The following KMT2C variants were observed in gnomAD, a reference collection of about 807,000 sequenced individuals.
KMT2C encodes histone-lysine N-methyltransferase 2C.
KMT2C carries 88 observed loss-of-function variants against 507.9 expected under a neutral mutation model. That is an observed-to-expected ratio of 0.17 (90% CI 0.15 to 0.21). The LOEUF (loss-of-function observed/expected upper bound fraction) is 0.21. Among genes scored for constraint, KMT2C ranks in the 10% least tolerant of loss-of-function variants. The pLI is 1.00. For missense variants in KMT2C, 4,954 were observed against 5,957.8 expected (o/e 0.83, Z 5.55); for synonymous variants, 2,049 against 2,080.8 (o/e 0.98, Z 0.42).
intron 27 of KMT2C, among the ~76,000 whole-genome samples, chr7:152,196,843 A>T (rs1367895921): frequency 6.6e-6 from 1 of 152,350 alleles, no homozygotes; most frequent in East Asian, 1.9e-4. Context: ...CAAAGCAGAC[A>T]TAAAGCCCCT....
At chr7:152,199,055 C>T (rs181097743) in intron 27 of KMT2C, among the ~76,000 whole-genome samples, 5 of 152,162 alleles carry the variant, frequency 3.3e-5, no homozygotes, top group African/African-American at 9.7e-5. Flanking sequence ...TTTTCCTTCA[C>T]AACTCTTGAT....
At position 152,285,453 on chromosome 7, in the gene KMT2C, A is replaced by G. The variant is rs186613677; in HGVS notation, c.850-11586T>C. Among the ~76,000 whole-genome samples the G allele has an allele frequency of 2.6e-5, 4 of 152,410 alleles. No individual in the cohort carries two copies. In the East Asian group the frequency reaches 7.7e-4, roughly 29 times the overall value. On this transcript the variant is annotated intron_variant, in intron 6 of 58. Transcript: ENST00000262189. ...ACACACCTTAGAAAGGGTGAATTAT[A>G]GCGTATGCAAAATATACCTTAACAA...
chr7:152,305,157 A>G (rs1355771948), intron 6 of KMT2C, among the ~76,000 whole-genome samples: 2 of 152,198 alleles, frequency 1.3e-5, no homozygotes, highest in Non-Finnish European at 2.9e-5. Context: ...CAAAACAGAA[A>G]AAAACCCCAT....
rs2129114791 is a variant in KMT2C at position 152,177,430 on chromosome 7, A to G, written c.8023T>C (p.Leu2675=). ...TCAGAAGGCTGGGTGGTTATCTGTAAATTATCAGACGTTGTTTCAGACGGT... is the reference window on the plus strand; with the variant it reads ...TCAGAAGGCTGGGTGGTTATCTGTAGATTATCAGACGTTGTTTCAGACGGT... ...SVPSETTSDN[L]QITTQPSDGL... Residue 2675 remains leucine, a synonymous_variant, in exon 38 of 59, where the codon TTA becomes CTA. Coordinates refer to ENST00000262189, the MANE Select transcript of KMT2C (RefSeq NM_170606.3). 1 of 1,614,126 alleles carries G rather than the reference A, an allele frequency of 6.2e-7. No homozygotes were observed. The highest frequency in any genetic ancestry group is 8.5e-7 in the Non-Finnish European group (1 of 1,180,010).
rs146018427 is a variant in KMT2C, at chr7:152,163,209, G to C, written c.10368C>G (p.Ser3456=). The change falls in exon 43 of 59, where the codon TCC becomes TCG. Residue 3456 remains serine, a synonymous_variant. Transcript: ENST00000262189. ...GTTGCATAAAATCACAAGGTAAGTC[G>C]GAACTGTAGAAGGGAATCTGGGACA... The part of the protein sequence containing the change: ...TSVSQIPFYS[S]DLPCDFMQPL... 4.1e-4 allele frequency: 656 copies of C among 1,613,978 alleles called. No individual in the cohort carries two copies. Among genetic ancestry groups the C allele is most frequent in the Non-Finnish European group, 5.3e-4 (625 of 1,180,012 alleles).
chr7:152,202,140 A>G (rs1382961443), intron 26 of KMT2C, among the ~76,000 whole-genome samples: 1 of 152,224 alleles, frequency 6.6e-6, no homozygotes, highest in Non-Finnish European at 1.5e-5. Context: ...CTTAGGAGGA[A>G]CAGATCAGAT....
At chr7:152,174,875 T>C (rs903272981) in intron 38 of KMT2C, among the ~76,000 whole-genome samples, 2 of 152,148 alleles carry the variant, frequency 1.3e-5, no homozygotes, top group African/African-American at 4.8e-5. Context: ...CAGTAAACCA[T>C]TAGAAACAAG....
chr7:152,241,764 A>G (rs191046703), intron 14 of KMT2C, among the ~76,000 whole-genome samples: 15 of 152,346 alleles, frequency 9.8e-5, no homozygotes, highest in African/African-American at 3.4e-4. Context: ...CGATAGTTTA[A>G]TATTATGTTG....
chr7:152,290,294 A>ATATATAT (rs1563743352), intron 6 of KMT2C, among the ~76,000 whole-genome samples: 2 of 21,420 alleles, frequency 9.3e-5, no homozygotes, highest in Non-Finnish European at 1.5e-4. Flanking sequence ...ATATATATAT[A>ATATATAT]TTTTTTTTTT....
intron 3 of KMT2C, among the ~76,000 whole-genome samples, chr7:152,322,682 A>G (rs1157216486): frequency 6.6e-6 from 1 of 152,034 alleles, no homozygotes; most frequent in Non-Finnish European, 1.5e-5. Context: ...ATAGGCAACA[A>G]AAGCAGTAAT....
At chr7:152,195,379 A>C (rs145553507) in intron 28 of KMT2C, 8 of 204,246 alleles carry the variant, frequency 3.9e-5, no homozygotes, top group African/African-American at 1.9e-4. Flanking sequence ...AGCCACACAC[A>C]AAAAGGGAAA....
intron 3 of KMT2C, among the ~76,000 whole-genome samples, chr7:152,328,811 T>C (rs772197125): frequency 2.6e-5 from 4 of 152,228 alleles, no homozygotes; most frequent in Middle Eastern, 3.4e-3. Context: ...TGAGAAAAGA[T>C]AGAAATCAAG....
chr7:152,142,250 C>A (rs2129091383), intron 55 of KMT2C, among the ~76,000 whole-genome samples: 1 of 152,318 alleles, frequency 6.6e-6, no homozygotes, highest in East Asian at 1.9e-4. Context: ...AGATGTCACA[C>A]TTGCTGGTAG....
At chr7:152,326,999 T>G (rs1338514090) in intron 3 of KMT2C, among the ~76,000 whole-genome samples, 1 of 152,260 alleles carries the variant, frequency 6.6e-6, no homozygotes, top group Non-Finnish European at 1.5e-5. Context: ...GAGCTTGGAA[T>G]AAACACCAAG....
chr7:152,150,747 A>T (rs1313598246), intron 51 of KMT2C, among the ~76,000 whole-genome samples, 153 bp downstream of exon 51: 1 of 152,078 alleles, frequency 6.6e-6, no homozygotes, highest in Non-Finnish European at 1.5e-5. Flanking sequence ...GGCTCCCTAC[A>T]CCCTCTCCTC....
At chr7:152,139,133 A>C in intron 57 of KMT2C, 53 bp downstream of exon 57, 1 of 1,544,028 alleles carries the variant, frequency 6.5e-7, no homozygotes, top group Non-Finnish European at 9.0e-7. Flanking sequence ...TCTCTCCACC[A>C]GCACTGGCCC....
At chr7:152,269,650 G>A (rs1344727215) in intron 7 of KMT2C, among the ~76,000 whole-genome samples, 1 of 152,174 alleles carries the variant, frequency 6.6e-6, no homozygotes, top group Non-Finnish European at 1.5e-5. Flanking sequence ...TGGATTCTAA[G>A]ATCAGGCTCT....
chr7:152,315,260 C>T lies in KMT2C; in HGVS notation c.468G>A (p.Thr156=), dbSNP rs1415340394. 16 of 1,613,624 alleles carry T rather than the reference C, an allele frequency of 9.9e-6. No homozygotes were observed. The highest frequency in any genetic ancestry group is 1.3e-5 in the Non-Finnish European group (15 of 1,179,774). The change falls in exon 4 of 59, where the codon ACG becomes ACA. Residue 156 remains threonine (T), a synonymous_variant. Transcript: ENST00000262189. ...GQGDLKQFRI[T]PGFILPWRNQ... is the part of the protein sequence containing the mutation. ...TTCTCCATGGCAAGATAAATCCAGG[C>T]GTTATTCTGAATTGTTTTAAGTCTC...
At position 152,315,237 on chromosome 7, in the gene KMT2C, C is replaced by G. The variant is rs2129202592; in HGVS notation, c.491G>C (p.Arg164Thr). ...RITPGFILPW[R>T]NQPSNKKDID... Reference sequence around the variant, plus strand: ...GTCCTTCTTGTTAGAAGGTTGGTTTCTCCATGGCAAGATAAATCCAGGCGT... The same window carrying G: ...GTCCTTCTTGTTAGAAGGTTGGTTTGTCCATGGCAAGATAAATCCAGGCGT... Residue 164 changes from arginine (R) to threonine (T), a missense_variant, in exon 4 of 59, where the codon AGA (arginine) becomes ACA (threonine). This residue lies in a region of KMT2C where 233 missense variants were observed against 263.6 expected (regional missense o/e 0.88). Coordinates refer to ENST00000262189, the MANE Select transcript of KMT2C (RefSeq NM_170606.3). The G allele has an allele frequency of 6.2e-7, 1 of 1,614,000 alleles. No individual in the cohort carries two copies. Among genetic ancestry groups the G allele is most frequent in the Non-Finnish European group, 8.5e-7 (1 of 1,179,934 alleles).
Sources: allele counts gnomAD v4.1 joint callset (sites outside exome capture counted in the v4.1 genomes callset), GRCh38; gene constraint gnomAD v4.1.1; regional missense constraint gnomAD v4.1.1; transcripts MANE v1.5; gene names NCBI Gene and HGNC (gene_info 2026-07-23, HGNC 2026-07-21).